The following COL4A5 variants were observed in gnomAD, a reference collection of about 807,000 sequenced individuals.
COL4A5 encodes collagen alpha-5(IV) chain.
COL4A5 carries 26 observed loss-of-function variants against 130.2 expected under a neutral mutation model. That is an observed-to-expected ratio of 0.20 (90% CI 0.15 to 0.28). The LOEUF is 0.28. Among genes scored for constraint, COL4A5 ranks in the 10% least tolerant of loss-of-function variants. The pLI is 1.00. For synonymous variants in COL4A5, 496 were observed against 439.6 expected, an observed-to-expected ratio of 1.13 and a Z score of -1.60; for missense variants, 1,131 against 1,344.3, an observed-to-expected ratio of 0.84 and a Z score of 2.48.
intron 1 of COL4A5, among the ~76,000 whole-genome samples, chrX:108,530,563 C>T (rs1272490852): frequency 9.8e-6 from 1 of 101,877 alleles, no homozygotes; most frequent in African/African-American, 3.6e-5. Flanking sequence ...ACAGACACTT[C>T]TCAAAAGAAG....
chrX:108,631,719 T>C (rs2147884492), intron 36 of COL4A5, among the ~76,000 whole-genome samples: 1 of 111,435 alleles, frequency 9.0e-6, no homozygotes, highest in East Asian at 2.8e-4. Context: ...AACAACCTGC[T>C]CCTAAATGAC....
chrX:108,494,425 G>A (rs1436813257), intron 1 of COL4A5, among the ~76,000 whole-genome samples: 1 of 111,585 alleles, frequency 9.0e-6, no homozygotes, highest in Non-Finnish European at 1.9e-5. Flanking sequence ...CAGGAATTTG[G>A]TTCTTCTTTC....
chrX:108,471,957 T>A (rs2064775151), intron 1 of COL4A5, among the ~76,000 whole-genome samples: 1 of 111,835 alleles, frequency 8.9e-6, no homozygotes, highest in South Asian at 3.7e-4. Context: ...TCTCATCTTT[T>A]AATGTAAGCA....
chrX:108,620,376 C>T lies in COL4A5; in HGVS notation c.2627C>T (p.Pro876Leu). 3 of 1,209,930 alleles carry T rather than the reference C, an allele frequency of 2.5e-6. No individual in the cohort carries two copies. Among genetic ancestry groups the T allele is most frequent in the Non-Finnish European group, 3.4e-6 (3 of 894,299 alleles). Residue 876 changes from proline to leucine, a missense_variant, in exon 31 of 53, where the codon CCT (proline) becomes CTT (leucine). Pro to Leu is a moderately conservative substitution (Grantham distance 98, BLOSUM62 -3). Coordinates refer to ENST00000328300, the MANE Select transcript of COL4A5 (RefSeq NM_033380.3). ...CCCGGAGCACCTGGTCCTATAGGAC[C>T]TCCAGGATCACCAGGGCTTCCAGGA... ...GIPGAPGPIGPPGSPGLPGKA... is the reference protein window; with the variant it reads ...GIPGAPGPIGLPGSPGLPGKA...
rs143552311 is a variant in COL4A5 at position 108,668,444 on chromosome X, G to A, written c.3730G>A (p.Gly1244Ser). Residue 1244 changes from glycine to serine, a missense_variant, in exon 41 of 53, where the codon GGT becomes AGT. Transcript: ENST00000328300. ...TCCCCCAGGCCCTCCTGGTTCTCCG[G>A]GTCCAGCTCTGGAAGGACCTAAAGG... ...QGPPGPPGSPGPALEGPKGNP... is the reference protein window; with the variant it reads ...QGPPGPPGSPSPALEGPKGNP... The A allele has an allele frequency of 5.8e-6, 7 of 1,209,188 alleles. No homozygotes were observed. The highest frequency in any genetic ancestry group is 7.8e-6 in the Non-Finnish European group (7 of 894,553).
At chrX:108,553,579 A>G (rs763285007) in intron 2 of COL4A5, among the ~76,000 whole-genome samples, 2 of 111,870 alleles carry the variant, frequency 1.8e-5, no homozygotes, top group Non-Finnish European at 3.8e-5. Context: ...TCTAATAAAA[A>G]CTTTTAGCCA....
At chrX:108,443,837 A>G (rs1200129677) in intron 1 of COL4A5, among the ~76,000 whole-genome samples, 2 of 111,938 alleles carry the variant, frequency 1.8e-5, no homozygotes, top group Non-Finnish European at 3.8e-5. Context: ...TTCTCATCAT[A>G]TATTTGCCCA....
At chrX:108,614,841 T>C (rs1197461162) in intron 29 of COL4A5, 70 bp from the exon 30 acceptor site, 1 of 737,005 alleles carries the variant, frequency 1.4e-6, no homozygotes, top group Non-Finnish European at 2.1e-6. Context: ...TTGCTTAATA[T>C]GATATGGTTC....
At chrX:108,670,494 A>G (rs1390843361) in intron 42 of COL4A5, among the ~76,000 whole-genome samples, 1 of 112,088 alleles carries the variant, frequency 8.9e-6, no homozygotes, top group East Asian at 2.8e-4. Flanking sequence ...TCAGTTGAAA[A>G]TCTGTAGTAC....
chrX:108,650,454 C>CA lies in COL4A5; in HGVS notation c.3247-4869dup, dbSNP rs1308666020. Among the ~76,000 whole-genome samples the CA allele has an allele frequency of 6.3e-5, 7 of 110,365 alleles. No individual in the cohort carries two copies. The South Asian group carries it at 1.1e-3, about 18-fold the overall frequency. ...ACTCAGAGGAAAATAAGTCATTATACAAAAAAAAGATAATTGCACACGCAT... is the reference window on the plus strand; with the variant it reads ...ACTCAGAGGAAAATAAGTCATTATACAAAAAAAAAGATAATTGCACACGCAT... On this transcript the variant is annotated intron_variant, in intron 36 of 52. Coordinates refer to ENST00000328300, the MANE Select transcript of COL4A5 (RefSeq NM_033380.3).
intron 1 of COL4A5, among the ~76,000 whole-genome samples, chrX:108,522,982 A>G (rs747049464): frequency 9.4e-6 from 1 of 106,791 alleles, no homozygotes; most frequent in Non-Finnish European, 1.9e-5. Flanking sequence ...GGTTCAAGTG[A>G]TTCTCCTGCC....
At chrX:108,492,702 C>A (rs2065002973) in intron 1 of COL4A5, among the ~76,000 whole-genome samples, 1 of 111,291 alleles carries the variant, frequency 9.0e-6, no homozygotes, top group Admixed American at 9.6e-5. Context: ...AGATGGATAG[C>A]TGTTCCAAAA....
Position 108,553,151 on chromosome X carries a change from A to G in COL4A5, c.142-5913A>G, listed in dbSNP as rs189598170. On this transcript the variant is annotated intron_variant, in intron 2 of 52. Transcript: ENST00000328300. ...AGTCTTTAAGGAGGAAACAAAGGGG[A>G]AAATCCTTGTGACTTTGGGTTAGGC... 6.3e-5 allele frequency among the ~76,000 whole-genome samples: 7 copies of G among 111,737 alleles called. No individual in the cohort carries two copies. In the East Asian group the frequency reaches 2.0e-3, roughly 31 times the overall value.
intron 1 of COL4A5, among the ~76,000 whole-genome samples, chrX:108,483,326 G>T (rs1198084811): frequency 9.0e-6 from 1 of 110,810 alleles, no homozygotes; most frequent in East Asian, 2.8e-4. Flanking sequence ...CCTGAGGAGC[G>T]AGGAGAACCA....
intron 1 of COL4A5, among the ~76,000 whole-genome samples, chrX:108,452,648 A>G (rs2064532366): frequency 8.9e-6 from 1 of 111,764 alleles, no homozygotes; most frequent in African/African-American, 3.3e-5. Flanking sequence ...GTGCATAAGA[A>G]TGCTTATGAT....
intron 1 of COL4A5, among the ~76,000 whole-genome samples, chrX:108,489,877 A>G (rs1190536914): frequency 8.9e-6 from 1 of 112,041 alleles, no homozygotes; most frequent in Non-Finnish European, 1.9e-5. Flanking sequence ...GGTCATTGCT[A>G]ATATTAAGGA....
rs1196232508 is a variant in COL4A5, at chrX:108,696,694, A to G, written c.*316A>G. On this transcript the variant is annotated 3_prime_UTR_variant, in exon 53 of 53. Coordinates refer to ENST00000328300, the MANE Select transcript of COL4A5 (RefSeq NM_033380.3). ...CCCAGTTACTAAAATGGTACATTAAAAATTCAATTAAGAGAAGAGTCACAT... is the reference window on the plus strand; with the variant it reads ...CCCAGTTACTAAAATGGTACATTAAGAATTCAATTAAGAGAAGAGTCACAT... 6.6e-6 allele frequency: 1 copy of G among 152,411 alleles called. No individual in the cohort carries two copies. The highest frequency in any genetic ancestry group is 1.3e-5 in the Non-Finnish European group (1 of 79,396). The allele number at this position is 152,411 out of a possible 1,213,427, so 12.6% of individuals were successfully genotyped here. A position where few individuals can be genotyped will look rare whatever the true frequency, so the allele number is the denominator to read the frequency against.
intron 36 of COL4A5, among the ~76,000 whole-genome samples, chrX:108,647,861 C>A (rs1804989367): frequency 9.0e-6 from 1 of 111,530 alleles, no homozygotes; most frequent in African/African-American, 3.3e-5. Flanking sequence ...GTCTTTGGTT[C>A]TGTTTATATG....
intron 36 of COL4A5, chrX:108,626,900 T>C: frequency 1.3e-6 from 1 of 764,801 alleles, no homozygotes; most frequent in Non-Finnish European, 1.5e-6. Flanking sequence ...TATTTGACAA[T>C]TGTTTAGTTC....
Sources: gnomAD v4.1 joint callset for allele counts (sites outside exome capture counted in the v4.1 genomes callset) on GRCh38, gnomAD v4.1.1 for gene constraint, MANE v1.5 for transcripts, NCBI Gene and HGNC (gene_info 2026-07-23, HGNC 2026-07-21) for gene names.